Variants in TMEM217B observed in about 807,000 individuals in gnomAD.
TMEM217B encodes the protein putative transmembrane protein 217B.
At chr6:37,256,800 A>C in the TMEM217B span, among the ~76,000 whole-genome samples, 1 of 152,152 alleles carries the variant, frequency 6.6e-6, no homozygotes, top group African/African-American at 2.4e-5. Flanking sequence ...GAAGGGACAA[A>C]AACCACTCTG....
At chr6:37,212,261 C>G in the TMEM217B span, 1 of 345,402 alleles carries the variant, frequency 2.9e-6, no homozygotes, top group African/African-American at 2.1e-5. Context: ...AATTGATCCG[C>G]ACAACCTGCC....
At chr6:37,226,149 T>G in the TMEM217B span, among the ~76,000 whole-genome samples, 1 of 152,190 alleles carries the variant, frequency 6.6e-6, no homozygotes, top group Non-Finnish European at 1.5e-5. Flanking sequence ...AGATTCTTCC[T>G]GTCTACATGC....
At chr6:37,231,590 G>A in the TMEM217B span, among the ~76,000 whole-genome samples, 3 of 148,524 alleles carry the variant, frequency 2.0e-5, no homozygotes, top group Non-Finnish European at 4.5e-5. Flanking sequence ...GGAGAATGGC[G>A]TGAACCCGGG....
At chr6:37,249,512 G>A in the TMEM217B span, among the ~76,000 whole-genome samples, 1 of 152,058 alleles carries the variant, frequency 6.6e-6, no homozygotes, top group African/African-American at 2.4e-5. Context: ...GTGGAGACGG[G>A]GTTTCACCAT....
chr6:37,224,123 G>C, the TMEM217B span, among the ~76,000 whole-genome samples: 6 of 150,104 alleles, frequency 4.0e-5, no homozygotes, highest in African/African-American at 1.5e-4. Flanking sequence ...ATTTTTAGTA[G>C]AGACAGAGTT....
At chr6:37,243,355 A>G in the TMEM217B span, among the ~76,000 whole-genome samples, 1 of 152,154 alleles carries the variant, frequency 6.6e-6, no homozygotes, top group African/African-American at 2.4e-5. Flanking sequence ...AATGGATTGA[A>G]AGGGGGAAAA....
chr6:37,242,080 C>T, the TMEM217B span, among the ~76,000 whole-genome samples: 2 of 150,924 alleles, frequency 1.3e-5, no homozygotes, highest in Non-Finnish European at 2.9e-5. Flanking sequence ...CCTGAGTTCA[C>T]CCAATCTTGG....
At chr6:37,221,498 A>C in the TMEM217B span, among the ~76,000 whole-genome samples, 2 of 152,086 alleles carry the variant, frequency 1.3e-5, no homozygotes, top group African/African-American at 4.8e-5. Context: ...TGTAAGTAGA[A>C]TCTTATAGCA....
chr6:37,234,209 C>T, the TMEM217B span, among the ~76,000 whole-genome samples: 3 of 151,508 alleles, frequency 2.0e-5, no homozygotes, highest in African/African-American at 7.3e-5. Context: ...GAATGATTCT[C>T]CTGCCTCAGC....
At chr6:37,218,353 T>C in the TMEM217B span, 5 of 1,290,124 alleles carry the variant, frequency 3.9e-6, no homozygotes, top group Non-Finnish European at 5.3e-6. Context: ...TTTTTTTTAG[T>C]AGAGACGGGG....
chr6:37,244,699 TA>T, the TMEM217B span, among the ~76,000 whole-genome samples: 1 of 152,174 alleles, frequency 6.6e-6, no homozygotes, highest in African/African-American at 2.4e-5. Context: ...TAAACAACCA[TA>T]AAACCACAAT....
the TMEM217B span, among the ~76,000 whole-genome samples, chr6:37,226,600 A>G: frequency 6.7e-6 from 1 of 150,068 alleles, no homozygotes; most frequent in African/African-American, 2.5e-5. Flanking sequence ...CCCGGCCGAG[A>G]CAGAGTCTTG....
the TMEM217B span, among the ~76,000 whole-genome samples, chr6:37,237,383 T>A: frequency 6.6e-6 from 1 of 152,184 alleles, no homozygotes; most frequent in Non-Finnish European, 1.5e-5. Context: ...CAAGACCCCA[T>A]CAAGTCAAAA....
chr6:37,249,283 G>A, the TMEM217B span, among the ~76,000 whole-genome samples: 1 of 152,136 alleles, frequency 6.6e-6, no homozygotes, highest in Non-Finnish European at 1.5e-5. Flanking sequence ...TAGAAAGGAA[G>A]AAATGAATAT....
chr6:37,248,970 G>A, the TMEM217B span, among the ~76,000 whole-genome samples: 1 of 152,262 alleles, frequency 6.6e-6, no homozygotes, highest in East Asian at 1.9e-4. Flanking sequence ...GTGGCTCCAG[G>A]TATTCCTTGG....
chr6:37,242,784 T>C, the TMEM217B span, among the ~76,000 whole-genome samples: 14 of 152,322 alleles, frequency 9.2e-5, no homozygotes, highest in African/African-American at 3.4e-4. Context: ...GGGCTCTAGG[T>C]TGGCATCTGT....
At chr6:37,237,838 T>G in the TMEM217B span, among the ~76,000 whole-genome samples, 3 of 152,232 alleles carry the variant, frequency 2.0e-5, no homozygotes, top group South Asian at 6.2e-4. Flanking sequence ...CACACATATT[T>G]TTAGGACTTT....
At chr6:37,215,836 A>T in the TMEM217B span, among the ~76,000 whole-genome samples, 23 of 152,188 alleles carry the variant, frequency 1.5e-4, no homozygotes, top group Non-Finnish European at 2.5e-4. Flanking sequence ...AGGGGTAGGC[A>T]CAGGGATAGG....
chr6:37,257,943 T>G, the TMEM217B span: 1 of 1,613,786 alleles, frequency 6.2e-7, no homozygotes, highest in South Asian at 1.1e-5. Flanking sequence ...AGCAAGCAGT[T>G]TTGGAAGAGG....
Sources: allele counts gnomAD v4.1 joint callset (sites outside exome capture counted in the v4.1 genomes callset), GRCh38; gene constraint gnomAD v4.1.1; transcripts MANE v1.5; gene names NCBI Gene and HGNC (gene_info 2026-07-23, HGNC 2026-07-21).